ABHD17C: variants seen among roughly 807,000 people sequenced by gnomAD.
ABHD17C encodes abhydrolase domain containing 17C, depalmitoylase.
A neutral mutation model predicts 27.9 loss-of-function variants in ABHD17C; 11 were observed. The ratio of observed to expected loss-of-function variants is 0.39; its 90% CI spans 0.25 to 0.65. ABHD17C has a LOEUF of 0.65. Ranked by LOEUF, ABHD17C falls within the 30% of genes least tolerant of loss-of-function variation. The probability of loss-of-function intolerance (pLI) is 0.45; values close to 1 mark genes in which losing one functional copy is unlikely to be tolerated. For synonymous variants in ABHD17C, 233 were observed against 209.1 expected (o/e 1.11, Z -0.98); for missense variants, 280 against 470.2 (o/e 0.60, Z 3.74).
intron 1 of ABHD17C, among the ~76,000 whole-genome samples, chr15:80,725,595 C>T (rs74589631): frequency 0.097 from 14,756 of 152,204 alleles, 918 homozygotes; most frequent in Middle Eastern, 0.19. Context: ...TCATTGCAGC[C>T]GTGAACTTCT....
In ABHD17C at chr15:80,695,475, C is replaced by T. The variant is rs1377914797; in HGVS notation, c.46C>T (p.Leu16=). The T allele has an allele frequency of 2.2e-6, 3 of 1,384,458 alleles. No individual in the cohort carries two copies. Among genetic ancestry groups the T allele is most frequent in the Non-Finnish European group, 2.8e-6 (3 of 1,057,938 alleles). The allele number at this position is 1,384,458 out of a possible 1,614,324, so 85.8% of individuals were successfully genotyped here. A position where few individuals can be genotyped will look rare whatever the true frequency, so the allele number is the denominator to read the frequency against. ...GATGAACGGCTTCTCGCTGGGTGAG[C>T]TGTGCTGGCTCTTCTGCTGCCCGCC... ...PRMNGFSLGE[L]CWLFCCPPCP... Residue 16 remains leucine, a synonymous_variant, in exon 1 of 3, where the codon CTG becomes TTG. Coordinates refer to ENST00000258884, the MANE Select transcript of ABHD17C (RefSeq NM_021214.2). This position sits in a 1 kb window ranked among gnomAD's most constrained non-coding sequence, Gnocchi z 4.3.
intron 2 of ABHD17C, among the ~76,000 whole-genome samples, chr15:80,750,602 T>A (rs1419482555): frequency 6.6e-6 from 1 of 152,228 alleles, no homozygotes; most frequent in Non-Finnish European, 1.5e-5. Flanking sequence ...TTATACAGAC[T>A]GTCTTATTTC....
chr15:80,705,364 T>TGTGTGTGTGTGTGTGTGTGTGTGTGG (rs1894633302), intron 1 of ABHD17C, among the ~76,000 whole-genome samples: 2 of 151,272 alleles, frequency 1.3e-5, no homozygotes, highest in Admixed American at 1.3e-4. Flanking sequence ...TGTGTGTGTG[T>TGTGTGTGTGTGTGTGTGTGTGTGTGG]GTGGTTAGGA....
At chr15:80,733,561 A>C (rs1567036517) in intron 1 of ABHD17C, among the ~76,000 whole-genome samples, 1 of 152,204 alleles carries the variant, frequency 6.6e-6, no homozygotes, top group Non-Finnish European at 1.5e-5. Context: ...GGGATGCTCC[A>C]AAAAGACAGA....
chr15:80,736,618 C>T (rs1331988824), intron 1 of ABHD17C, among the ~76,000 whole-genome samples: 1 of 152,162 alleles, frequency 6.6e-6, no homozygotes, highest in Non-Finnish European at 1.5e-5. Context: ...TTAACATTCA[C>T]GTTACCTTGT....
At chr15:80,745,348 C>A (rs1207956681) in intron 1 of ABHD17C, among the ~76,000 whole-genome samples, 1 of 151,852 alleles carries the variant, frequency 6.6e-6, no homozygotes, top group Non-Finnish European at 1.5e-5. Flanking sequence ...AATGGTGTCA[C>A]ATAATGTGTG....
intron 1 of ABHD17C, among the ~76,000 whole-genome samples, chr15:80,747,713 T>C (rs1039275291): frequency 4.6e-5 from 7 of 152,184 alleles, no homozygotes; most frequent in Admixed American, 4.6e-4. Context: ...GCCTCTTCCA[T>C]AGGCACAGTT....
At position 80,736,489 on chromosome 15, in the gene ABHD17C, A is replaced by G. The variant is rs544509479; in HGVS notation, c.591-13024A>G. On this transcript the variant is annotated intron_variant, in intron 1 of 2. Transcript: ENST00000258884. ...CTATTTACACACCTGCTTCCCTTGC[A>G]TAGTCAGTCTTTTTATTCTGAGGCT... Among the ~76,000 whole-genome samples, 3 of 152,298 alleles carry G rather than the reference A, an allele frequency of 2.0e-5. No homozygotes were observed. In the East Asian group the frequency reaches 5.8e-4, roughly 29 times the overall value.
intron 1 of ABHD17C, among the ~76,000 whole-genome samples, chr15:80,715,839 C>T (rs1250909029): frequency 6.6e-6 from 1 of 151,976 alleles, no homozygotes; most frequent in Admixed American, 6.6e-5. Flanking sequence ...TTTTGTCATT[C>T]GCTTTGTAAT....
At chr15:80,736,817 A>G (rs1895137117) in intron 1 of ABHD17C, among the ~76,000 whole-genome samples, 1 of 152,230 alleles carries the variant, frequency 6.6e-6, no homozygotes, top group Non-Finnish European at 1.5e-5. Flanking sequence ...TGTCTCAGGG[A>G]GGCCAGGCTT....
chr15:80,740,211 G>A (rs1895191117), intron 1 of ABHD17C, among the ~76,000 whole-genome samples: 1 of 152,016 alleles, frequency 6.6e-6, no homozygotes, highest in Non-Finnish European at 1.5e-5. Context: ...TCTTCCACTT[G>A]CAACAGGACA....
intron 1 of ABHD17C, among the ~76,000 whole-genome samples, chr15:80,743,806 C>G (rs1473473770): frequency 6.6e-6 from 1 of 152,146 alleles, no homozygotes; most frequent in African/African-American, 2.4e-5. Context: ...AGGCTGGCCT[C>G]AAGGAGTTCG....
At chr15:80,727,835 T>TG (rs1001451795) in intron 1 of ABHD17C, among the ~76,000 whole-genome samples, 3 of 152,140 alleles carry the variant, frequency 2.0e-5, no homozygotes, top group African/African-American at 7.2e-5. Flanking sequence ...GGGGAAGGGC[T>TG]GGGGTGACAT....
intron 1 of ABHD17C, among the ~76,000 whole-genome samples, chr15:80,721,698 G>A (rs1317171476): frequency 6.6e-6 from 1 of 152,130 alleles, no homozygotes; most frequent in Non-Finnish European, 1.5e-5. Flanking sequence ...GGAAAGATTG[G>A]GTAACCAGGT....
intron 1 of ABHD17C, among the ~76,000 whole-genome samples, chr15:80,700,549 A>G (rs1005743379): frequency 6.6e-6 from 1 of 152,234 alleles, no homozygotes; most frequent in African/African-American, 2.4e-5. Flanking sequence ...TTTAGTACAA[A>G]AGGCAAATTA....
At chr15:80,704,535 AT>A (rs1894616309) in intron 1 of ABHD17C, 1 of 151,072 alleles carries the variant, frequency 6.6e-6, no homozygotes, top group Admixed American at 6.6e-5. Flanking sequence ...AACTTAAAGG[AT>A]AATAATAATA....
intron 1 of ABHD17C, among the ~76,000 whole-genome samples, chr15:80,707,823 A>G (rs537789605): frequency 7.2e-5 from 11 of 152,312 alleles, no homozygotes; most frequent in Middle Eastern, 3.4e-3. Flanking sequence ...GGGGATATCC[A>G]TTTTTGAGCC....
At position 80,702,086 on chromosome 15, in the gene ABHD17C, A is replaced by C. The variant is rs373707338; in HGVS notation, c.590+6067A>C. On this transcript the variant is annotated intron_variant, in intron 1 of 2. Coordinates refer to ENST00000258884, the MANE Select transcript of ABHD17C (RefSeq NM_021214.2). ...GTAATCCAGTTGCAAAGGATCTGACAGATGACTTCATTTTCTGTGTTAATG... is the reference window on the plus strand; with the variant it reads ...GTAATCCAGTTGCAAAGGATCTGACCGATGACTTCATTTTCTGTGTTAATG... Among the ~76,000 whole-genome samples the C allele has an allele frequency of 7.7e-4, 117 of 152,356 alleles. 1 individual carries two copies. The highest frequency in any genetic ancestry group is 2.5e-3 in the African/African-American group (105 of 41,580).
chr15:80,696,112 G>A (rs1894491049), intron 1 of ABHD17C, 93 bp downstream of exon 1: 1 of 1,318,858 alleles, frequency 7.6e-7, no homozygotes, highest in South Asian at 1.3e-5. Context: ...GCCAGGAGAG[G>A]GGCCCCTCCT....
Sources: gnomAD v4.1 joint callset for allele counts (sites outside exome capture counted in the v4.1 genomes callset) on GRCh38, gnomAD v4.1.1 for gene constraint, Gnocchi (gnomAD v3.1) non-coding constraint, MANE v1.5 for transcripts, NCBI Gene and HGNC (gene_info 2026-07-23, HGNC 2026-07-21) for gene names.